The following FAM167A variants were observed in gnomAD, a reference collection of about 807,000 sequenced individuals.
FAM167A encodes the protein protein FAM167A.
In FAM167A, 23 loss-of-function variants were observed where a neutral mutation model predicts 14.9. The ratio of observed to expected loss-of-function variants is 1.55; its 90% CI spans 1.11 to 2.19. FAM167A has a LOEUF of 2.19. FAM167A is among the 30% of genes most tolerant of loss of function. The probability of loss-of-function intolerance (pLI) is 0.00; values close to 1 mark genes in which losing one functional copy is unlikely to be tolerated. For synonymous variants in FAM167A, 174 were observed against 117.7 expected, an observed-to-expected ratio of 1.48 and a Z score of -3.10; for missense variants, 401 against 281.5, an observed-to-expected ratio of 1.42 and a Z score of -3.04.
upstream of FAM167A, among the ~76,000 whole-genome samples, chr8:11,469,793 C>G (rs1346954922): frequency 6.6e-6 from 1 of 151,974 alleles, no homozygotes; most frequent in Non-Finnish European, 1.5e-5. Flanking sequence ...TGAGGTGGGA[C>G]TGCTGGAACC....
intron 2 of FAM167A, among the ~76,000 whole-genome samples, chr8:11,430,140 G>T (rs1392034536): frequency 6.6e-6 from 1 of 152,142 alleles, no homozygotes; most frequent in African/African-American, 2.4e-5. Context: ...TCCAGTCCCC[G>T]CTCCCAGCGT....
chr8:11,424,667 C>G, intron 2 of FAM167A, 31 bp from the exon 3 acceptor site: 1 of 1,609,174 alleles, frequency 6.2e-7, no homozygotes, highest in Non-Finnish European at 8.5e-7. Context: ...GCAGGGTCAG[C>G]AGAGAGTGGC....
Position 11,444,403 on chromosome 8 carries a change from C to T in FAM167A, c.9G>A (p.Val3=). The T allele has an allele frequency of 6.5e-7, 1 of 1,547,436 alleles. No individual in the cohort carries two copies. The highest frequency in any genetic ancestry group is 8.7e-7 in the Non-Finnish European group (1 of 1,147,084). The change falls in exon 2 of 3, where the codon GTG becomes GTA. Residue 3 remains valine, a synonymous_variant. Transcript: ENST00000284486. The part of the protein sequence containing the change: MS[V]PQIHVEEVGA... ...CCACTTCTTCCACGTGGATCTGGGG[C>T]ACAGACATTCTACAGTCTGCCCTGG...
chr8:11,475,565 C>T (rs1457383024), intron 1 of FAM167A, among the ~76,000 whole-genome samples: 1 of 152,076 alleles, frequency 6.6e-6, no homozygotes, highest in African/African-American at 2.4e-5. Flanking sequence ...TTTTACACAT[C>T]ATACTCCTTC....
chr8:11,464,189 T>G lies in FAM167A; in HGVS notation c.-398+2437A>C, dbSNP rs543814432. Among the ~76,000 whole-genome samples, 6 of 152,268 alleles carry G rather than the reference T, an allele frequency of 3.9e-5. No individual in the cohort carries two copies. The South Asian group carries it at 1.2e-3, about 32-fold the overall frequency. ...CCCCCTTGAACTGCTCTGCTCACCT[T>G]CTTTCTCCATGCTTGTCCTTCCTCT... On this transcript the variant is annotated intron_variant, in intron 1 of 2. Transcript: ENST00000284486.
intron 1 of FAM167A, chr8:11,445,081 G>C (rs1022662040): frequency 1.0e-6 from 1 of 966,888 alleles, no homozygotes; most frequent in African/African-American, 1.8e-5. Context: ...CAAGTCTGCA[G>C]GGATTTGTTT....
rs920594554 is a variant in FAM167A, at chr8:11,422,570, T to A, written c.*1803A>T. 2 of 152,662 alleles carry A rather than the reference T, an allele frequency of 1.3e-5. No individual in the cohort carries two copies. Among genetic ancestry groups the A allele is most frequent in the African/African-American group, 4.8e-5 (2 of 41,462 alleles). 9.5% of individuals were successfully genotyped at this position (152,662 alleles called of 1,614,324 possible). On this transcript the variant is annotated 3_prime_UTR_variant, in exon 3 of 3. Transcript: ENST00000284486. ...ACAGAGCATGGCAGACAGTAGATCT[T>A]GGCTGCGTTGTTCTGCCTACTTTGA...
At chr8:11,474,255 T>C (rs1797799436) in intron 1 of FAM167A, among the ~76,000 whole-genome samples, 1 of 152,266 alleles carries the variant, frequency 6.6e-6, no homozygotes, top group African/African-American at 2.4e-5. Context: ...TCACTCATTC[T>C]GGTACCAGGC....
chr8:11,443,851 C>A, intron 2 of FAM167A, 180 bp downstream of exon 2: 1 of 749,252 alleles, frequency 1.3e-6, no homozygotes, highest in African/African-American at 1.8e-5. Flanking sequence ...TCCCCCCAGC[C>A]ACATACAAAT....
In FAM167A at chr8:11,444,145, C is replaced by T. The variant is rs1273835780; in HGVS notation, c.267G>A (p.Gly89=). The change falls in exon 2 of 3, where the codon GGG becomes GGA. Residue 89 remains glycine, a synonymous_variant. Transcript: ENST00000284486. ...QEPLLPLREA[G]QHPPSARSAS... is the part of the protein sequence containing the mutation. ...CACTCCTGGCAGAAGGGGGGTGCTG[C>T]CCAGCCTCTCTCAGGGGGAGCAAGG... is the stretch of plus-strand genomic sequence containing the variant. 7.4e-6 allele frequency: 12 copies of T among 1,613,208 alleles called. No individual in the cohort carries two copies. The South Asian group carries it at 1.2e-4, about 16-fold the overall frequency.
chr8:11,468,576 C>G (rs73533702), upstream of FAM167A, among the ~76,000 whole-genome samples: 1,465 of 151,084 alleles, frequency 9.7e-3, 12 homozygotes, highest in African/African-American at 0.027. Context: ...ATAAAGCATC[C>G]TTCTGGGTGC....
chr8:11,459,525 C>G (rs1807454085), intron 1 of FAM167A, among the ~76,000 whole-genome samples: 1 of 152,210 alleles, frequency 6.6e-6, no homozygotes. Flanking sequence ...TCTGCAGTGC[C>G]AAGCACGTGG....
Position 11,422,376 on chromosome 8 carries a change from GTGTGT to G in FAM167A, c.*1992_*1996del, listed in dbSNP as rs1804809276. ...CTGTCGTGTGTGTGTGTGTGGGGGT[GTGTGT>G]GTGTGTGTGTGTGTGTGTGTGTGTA... On this transcript the variant is annotated 3_prime_UTR_variant, in exon 3 of 3. Transcript: ENST00000284486. 8.2e-5 allele frequency: 7 copies of G among 85,408 alleles called. No homozygotes were observed. Among genetic ancestry groups the G allele is most frequent in the Non-Finnish European group, 9.1e-5 (4 of 43,770 alleles). The allele number at this position is 85,408 out of a possible 1,614,324, so 5.3% of individuals were successfully genotyped here. A position where few individuals can be genotyped will look rare whatever the true frequency, so the allele number is the denominator to read the frequency against.
chr8:11,438,381 CTTA>C (rs1461235698), intron 2 of FAM167A: 9 of 450,516 alleles, frequency 2.0e-5, no homozygotes, highest in South Asian at 3.2e-5. Context: ...GATTGAAGGC[CTTA>C]CTTTTATTTG....
At chr8:11,468,309 T>C (rs967349647), upstream of FAM167A, among the ~76,000 whole-genome samples, 5 of 152,208 alleles carry the variant, frequency 3.3e-5, no homozygotes, top group Admixed American at 3.3e-4. Context: ...GCACAGACCC[T>C]GCTCCCCAGA....
chr8:11,427,640 G>C (rs374768074), intron 2 of FAM167A, among the ~76,000 whole-genome samples: 1 of 152,162 alleles, frequency 6.6e-6, no homozygotes, highest in African/African-American at 2.4e-5. Context: ...TTGCCAGCGA[G>C]CATCTCAATG....
chr8:11,458,061 G>A (rs563185349), intron 1 of FAM167A, among the ~76,000 whole-genome samples: 11 of 114,258 alleles, frequency 9.6e-5, no homozygotes, highest in Non-Finnish European at 5.4e-5. Context: ...GTCGTTCACA[G>A]CTCCAGATGA....
At chr8:11,438,898 C>T (rs1806240879) in intron 2 of FAM167A, among the ~76,000 whole-genome samples, 1 of 152,242 alleles carries the variant, frequency 6.6e-6, no homozygotes, top group African/African-American at 2.4e-5. Context: ...AACTTGCTAC[C>T]TTCATCCTGA....
At chr8:11,427,438 C>T (rs1262040385) in intron 2 of FAM167A, among the ~76,000 whole-genome samples, 3 of 152,228 alleles carry the variant, frequency 2.0e-5, no homozygotes, top group Non-Finnish European at 2.9e-5. Context: ...TCCTCTGTCT[C>T]CACTTGTAAG....
Sources: allele counts gnomAD v4.1 joint callset (sites outside exome capture counted in the v4.1 genomes callset), GRCh38; gene constraint gnomAD v4.1.1; transcripts MANE v1.5; gene names NCBI Gene and HGNC (gene_info 2026-07-23, HGNC 2026-07-21).